Variants in RASGEF1C observed in about 807,000 individuals in gnomAD.
RASGEF1C encodes ras-GEF domain-containing family member 1C.
A neutral mutation model predicts 58.1 loss-of-function variants in RASGEF1C; 27 were observed. The observed-to-expected ratio is 0.46, with a 90% confidence interval of 0.34 to 0.64. The LOEUF (loss-of-function observed/expected upper bound fraction) is 0.64, where lower values mean the gene tolerates loss of function less well. Ranked by LOEUF, RASGEF1C falls within the 30% of genes least tolerant of loss-of-function variation. The probability of loss-of-function intolerance (pLI) is 0.01; values close to 1 mark genes in which losing one functional copy is unlikely to be tolerated. For missense variants in RASGEF1C, 502 were observed against 605.1 expected (o/e 0.83, Z 1.79); for synonymous variants, 243 against 246.3 (o/e 0.99, Z 0.13).
chr5:180,159,392 A>G (rs1406410452), intron 1 of RASGEF1C, among the ~76,000 whole-genome samples: 1 of 152,162 alleles, frequency 6.6e-6, no homozygotes, highest in Non-Finnish European at 1.5e-5. Flanking sequence ...TACCTGTTTC[A>G]GCCTCCCAAA....
Position 180,119,566 on chromosome 5 carries a change from T to C in RASGEF1C, c.805-118A>G, listed in dbSNP as rs113038242. On this transcript the variant is annotated intron_variant, in intron 7 of 13. Transcript: ENST00000361132. The stretch of plus-strand genomic sequence containing the variant: ...TAAACCCATTGCACAGCTGAGGCAC[T>C]TGAGGCTCAGGGTAAACAGGGTCTC... 481 of 732,874 alleles carry C rather than the reference T, an allele frequency of 6.6e-4. 1 individual carries two copies. Among genetic ancestry groups the C allele is most frequent in the African/African-American group, 5.5e-3 (318 of 57,654 alleles). The allele number at this position is 732,874 out of a possible 1,614,324, so 45.4% of individuals were successfully genotyped here.
rs1767055731 is a variant in RASGEF1C, at chr5:180,168,595, C to A, written c.-6-30537G>T. Among the ~76,000 whole-genome samples the A allele has an allele frequency of 6.6e-6, 1 of 152,144 alleles. No homozygotes were observed. Among genetic ancestry groups the A allele is most frequent in the Admixed American group, 6.5e-5 (1 of 15,278 alleles). Reference sequence around the variant, plus strand: ...TGGTTTTGCTGTGCACTTGCCAGGGCTATGCCTGATTCCAGGGCCAAGGTG... The same window carrying A: ...TGGTTTTGCTGTGCACTTGCCAGGGATATGCCTGATTCCAGGGCCAAGGTG... On this transcript the variant is annotated intron_variant, in intron 1 of 13. Transcript: ENST00000361132. The surrounding 1 kb of genome is among the most constrained non-coding windows in gnomAD (Gnocchi z 6.0).
At chr5:180,171,123 G>A (rs1425345898) in intron 1 of RASGEF1C, among the ~76,000 whole-genome samples, 1 of 152,140 alleles carries the variant, frequency 6.6e-6, no homozygotes, top group Non-Finnish European at 1.5e-5. Flanking sequence ...CCTTCCCCCA[G>A]CCCAGGAGTG....
At chr5:180,178,213 T>C (rs1240998150) in intron 1 of RASGEF1C, among the ~76,000 whole-genome samples, 4 of 148,758 alleles carry the variant, frequency 2.7e-5, no homozygotes, top group Admixed American at 6.8e-5. Context: ...GGCCTCGTGA[T>C]CTGCTTGCCT....
intron 4 of RASGEF1C, among the ~76,000 whole-genome samples, 175 bp downstream of exon 4, chr5:180,136,203 G>C (rs1766467761): frequency 1.3e-5 from 2 of 152,246 alleles, no homozygotes; most frequent in South Asian, 4.1e-4. Flanking sequence ...CAGACTCCGC[G>C]TTCCCTCCCA....
chr5:180,147,749 A>T (rs1404491119), intron 1 of RASGEF1C, among the ~76,000 whole-genome samples: 1 of 152,178 alleles, frequency 6.6e-6, no homozygotes, highest in African/African-American at 2.4e-5. Flanking sequence ...TCCCACGTGC[A>T]CTTTAGAAGA....
intron 1 of RASGEF1C, among the ~76,000 whole-genome samples, chr5:180,174,606 G>A (rs550252767): frequency 0.044 from 3,302 of 75,624 alleles, 74 homozygotes; most frequent in South Asian, 0.1. Flanking sequence ...GTGTGTGCAC[G>A]CATGTGTGTG....
At position 180,137,432 on chromosome 5, in the gene RASGEF1C, C is replaced by A. The variant is rs1019955246; in HGVS notation, c.300+158G>T. ...GGAGGTTAAAGGTCCTGTTCTGCTC[C>A]TTCTGGCTCTGGGCCTCAGACAAGG... On this transcript the variant is annotated intron_variant, in intron 3 of 13. Coordinates refer to ENST00000361132, the MANE Select transcript of RASGEF1C (RefSeq NM_175062.4). This position sits in a 1 kb window ranked among gnomAD's most constrained non-coding sequence, Gnocchi z 4.1. Among the ~76,000 whole-genome samples the A allele has an allele frequency of 9.2e-5, 14 of 152,214 alleles. No individual in the cohort carries two copies. The highest frequency in any genetic ancestry group is 2.7e-4 in the African/African-American group (11 of 41,446).
At chr5:180,162,864 T>G (rs1355919554) in intron 1 of RASGEF1C, among the ~76,000 whole-genome samples, 1 of 152,188 alleles carries the variant, frequency 6.6e-6, no homozygotes, top group Non-Finnish European at 1.5e-5. Context: ...GAATACAGTG[T>G]GTCGCTATGA....
chr5:180,102,039 C>G (rs62405051), intron 13 of RASGEF1C, 32 bp downstream of exon 13: 1 of 1,044,894 alleles, frequency 9.6e-7, no homozygotes, highest in Admixed American at 1.9e-5. Context: ...TCCCAAGCAG[C>G]CCCCAGGCCC....
intron 11 of RASGEF1C, among the ~76,000 whole-genome samples, chr5:180,112,387 G>T (rs894870997): frequency 3.9e-5 from 6 of 152,214 alleles, no homozygotes; most frequent in Non-Finnish European, 8.8e-5. Flanking sequence ...GTCTGGCCAT[G>T]TGCTGTGGTT....
chr5:180,138,578 C>T (rs1244302400), intron 1 of RASGEF1C, among the ~76,000 whole-genome samples: 1 of 152,172 alleles, frequency 6.6e-6, no homozygotes, highest in African/African-American at 2.4e-5. Context: ...AAAGTGGGCA[C>T]ATTCCTGAGC....
At chr5:180,160,601 G>A (rs941043635) in intron 1 of RASGEF1C, among the ~76,000 whole-genome samples, 1 of 152,108 alleles carries the variant, frequency 6.6e-6, no homozygotes, top group Non-Finnish European at 1.5e-5. Context: ...AAGGAAAATT[G>A]GCTCCGAATC....
intron 12 of RASGEF1C, among the ~76,000 whole-genome samples, 176 bp from the exon 13 acceptor site, chr5:180,102,319 C>T (rs191471309): frequency 1.3e-4 from 19 of 151,958 alleles, no homozygotes; most frequent in African/African-American, 3.9e-4. Flanking sequence ...ATAACATTTG[C>T]GTGAGGGCTT....
chr5:180,120,665 T>C (rs1486455916), intron 7 of RASGEF1C, among the ~76,000 whole-genome samples: 1 of 152,166 alleles, frequency 6.6e-6, no homozygotes, highest in Non-Finnish European at 1.5e-5. Context: ...TTTACGTGCA[T>C]CTCCCAGTGC....
intron 1 of RASGEF1C, among the ~76,000 whole-genome samples, chr5:180,141,723 T>C (rs79727867): frequency 0.055 from 8,166 of 149,592 alleles, 319 homozygotes; most frequent in South Asian, 0.089. Context: ...ATCACACTTT[T>C]TTTTTTTTTT....
At chr5:180,128,210 G>A (rs917247035) in intron 5 of RASGEF1C, among the ~76,000 whole-genome samples, 200 bp downstream of exon 5, 1 of 152,188 alleles carries the variant, frequency 6.6e-6, no homozygotes, top group African/African-American at 2.4e-5. Context: ...GTCTCAAAGG[G>A]AAGAACCCGC....
intron 12 of RASGEF1C, among the ~76,000 whole-genome samples, chr5:180,103,301 TCTC>T (rs1358926429): frequency 6.6e-6 from 1 of 152,142 alleles, no homozygotes; most frequent in Non-Finnish European, 1.5e-5. Context: ...ATGGTCTCGA[TCTC>T]CTGACCTTGT....
At chr5:180,162,388 G>A (rs982356029) in intron 1 of RASGEF1C, among the ~76,000 whole-genome samples, 1 of 152,234 alleles carries the variant, frequency 6.6e-6, no homozygotes, top group Non-Finnish European at 1.5e-5. Flanking sequence ...CAGTGCACTG[G>A]CACTCCAGGT....
Sources: gnomAD v4.1 joint callset for allele counts (sites outside exome capture counted in the v4.1 genomes callset) on GRCh38, gnomAD v4.1.1 for gene constraint, Gnocchi (gnomAD v3.1) non-coding constraint, MANE v1.5 for transcripts, NCBI Gene and HGNC (gene_info 2026-07-23, HGNC 2026-07-21) for gene names.